Variants in EML6 observed in about 807,000 individuals in gnomAD.
EML6 encodes the protein echinoderm microtubule-associated protein-like 6.
EML6 carries 154 observed loss-of-function variants against 240.1 expected under a neutral mutation model. The observed-to-expected ratio is 0.64, with a 90% CI of 0.56 to 0.73. The LOEUF (loss-of-function observed/expected upper bound fraction) is 0.73, where lower values mean the gene tolerates loss of function less well. EML6 is among the 30% of genes least tolerant of loss of function. The pLI, the probability that EML6 is intolerant of heterozygous loss-of-function variation, is 0.00. For missense variants in EML6, 2,964 were observed against 2,474.6 expected, an observed-to-expected ratio of 1.20 and a Z score of -4.20; for synonymous variants, 1,148 against 899.0, an observed-to-expected ratio of 1.28 and a Z score of -4.95.
At chr2:54,821,100 A>G (rs1262743107) in intron 5 of EML6, among the ~76,000 whole-genome samples, 2 of 152,136 alleles carry the variant, frequency 1.3e-5, no homozygotes, top group Non-Finnish European at 2.9e-5. Flanking sequence ...TTCTTTCTCT[A>G]TAGGATCGTA....
intron 21 of EML6, among the ~76,000 whole-genome samples, chr2:54,899,197 T>TG (rs1672928989): frequency 6.6e-6 from 1 of 152,256 alleles, no homozygotes; most frequent in East Asian, 1.9e-4. Flanking sequence ...CTGACATGAA[T>TG]GGGTCGTACC....
At chr2:54,867,120 C>T (rs903549653) in intron 14 of EML6, 2 of 341,582 alleles carry the variant, frequency 5.9e-6, no homozygotes, top group East Asian at 9.2e-5. Context: ...ATTTCTCAGA[C>T]TTCATATAAT....
intron 28 of EML6, among the ~76,000 whole-genome samples, chr2:54,945,409 C>T (rs1675646413): frequency 1.3e-5 from 2 of 151,312 alleles, no homozygotes; most frequent in African/African-American, 2.4e-5. Context: ...ACACTTTGAA[C>T]ATTGTCTGAT....
intron 2 of EML6, among the ~76,000 whole-genome samples, chr2:54,728,823 C>T (rs1683024801): frequency 6.6e-6 from 1 of 152,176 alleles, no homozygotes; most frequent in African/African-American, 2.4e-5. Context: ...TGTTCTCTCT[C>T]CTAACCTACC....
intron 25 of EML6, among the ~76,000 whole-genome samples, chr2:54,915,979 C>T (rs961646646): frequency 1.5e-4 from 23 of 152,066 alleles, no homozygotes; most frequent in African/African-American, 5.6e-4. Flanking sequence ...GAAAGAAAAA[C>T]CTCAGTCTTA....
At chr2:54,850,416 A>G (rs758044768) in intron 10 of EML6, 198 bp downstream of exon 10, 84 of 563,904 alleles carry the variant, frequency 1.5e-4, no homozygotes, top group Non-Finnish European at 2.2e-4. Flanking sequence ...AAGGAAAGGT[A>G]TGAGTTGGAA....
chr2:54,745,210 G>A (rs1465553094), intron 2 of EML6, among the ~76,000 whole-genome samples: 1 of 152,174 alleles, frequency 6.6e-6, no homozygotes, highest in Non-Finnish European at 1.5e-5. Context: ...ACAGAACACT[G>A]AATTCAGTTT....
At chr2:54,835,836 C>A (rs562756898) in intron 7 of EML6, among the ~76,000 whole-genome samples, 1 of 152,120 alleles carries the variant, frequency 6.6e-6, no homozygotes, top group Non-Finnish European at 1.5e-5. Flanking sequence ...AGGAGAGCCA[C>A]CACAACAAAG....
chr2:54,758,319 T>C (rs1029301392), intron 2 of EML6, among the ~76,000 whole-genome samples: 1 of 152,174 alleles, frequency 6.6e-6, no homozygotes, highest in East Asian at 1.9e-4. Flanking sequence ...TGTAATACTA[T>C]TTCTGGTGGG....
At position 54,909,853 on chromosome 2, in the gene EML6, A is replaced by C. The variant is rs955242170; in HGVS notation, c.3410-1101A>C. On this transcript the variant is annotated intron_variant, in intron 24 of 41. Coordinates refer to ENST00000356458, the MANE Select transcript of EML6 (RefSeq NM_001039753.4). ...GTGACAGAGCGAGACTCCATCTCAA[A>C]AAAAAAAAAAAAAAAAAAAGATTAG... 1.2e-3 allele frequency among the ~76,000 whole-genome samples: 129 copies of C among 110,538 alleles called. 3 individuals carry two copies. Among genetic ancestry groups the C allele is most frequent in the Non-Finnish European group, 2.4e-4 (12 of 49,056 alleles). 72.5% of individuals were successfully genotyped at this position (110,538 alleles called of 152,430 possible). A position where few individuals can be genotyped will look rare whatever the true frequency, so the allele number is the denominator to read the frequency against.
intron 2 of EML6, among the ~76,000 whole-genome samples, chr2:54,772,627 C>T (rs1006747391): frequency 6.6e-6 from 1 of 152,096 alleles, no homozygotes; most frequent in Admixed American, 6.5e-5. Flanking sequence ...ATGTACATTC[C>T]CTTATTCTAC....
intron 21 of EML6, among the ~76,000 whole-genome samples, chr2:54,897,168 T>C (rs150663663): frequency 6.6e-4 from 101 of 152,346 alleles, no homozygotes; most frequent in African/African-American, 2.4e-3. Flanking sequence ...TTTTAGAAGA[T>C]TTATGCCCCA....
chr2:54,854,669 T>C (rs1670275950), intron 11 of EML6, among the ~76,000 whole-genome samples: 1 of 152,224 alleles, frequency 6.6e-6, no homozygotes, highest in Non-Finnish European at 1.5e-5. Flanking sequence ...AAAGTCATTT[T>C]CAGCTAACTG....
chr2:54,964,458 A>G (rs1181198223), intron 37 of EML6, 113 bp from the exon 38 acceptor site: 1 of 953,892 alleles, frequency 1.0e-6, no homozygotes, highest in Non-Finnish European at 1.6e-6. Flanking sequence ...GTGAGTCACA[A>G]GGTGGCTCTC....
At chr2:54,815,580 T>A (rs1371789658) in intron 3 of EML6, among the ~76,000 whole-genome samples, 4 of 152,160 alleles carry the variant, frequency 2.6e-5, no homozygotes, top group Admixed American at 6.5e-5. Context: ...TGAATGGAAT[T>A]CACCCATTCA....
intron 2 of EML6, among the ~76,000 whole-genome samples, chr2:54,751,143 T>A (rs1357217719): frequency 6.6e-6 from 1 of 152,184 alleles, no homozygotes; most frequent in Non-Finnish European, 1.5e-5. Context: ...CACCAATATC[T>A]TTTTAGGTTG....
chr2:54,862,846 A>G (rs140384938), intron 12 of EML6, among the ~76,000 whole-genome samples: 59 of 152,362 alleles, frequency 3.9e-4, no homozygotes, highest in African/African-American at 1.4e-3. Context: ...TCTAAGGTTT[A>G]CGTGAAGAAT....
intron 24 of EML6, among the ~76,000 whole-genome samples, chr2:54,906,241 T>C (rs1332741490): frequency 6.6e-6 from 1 of 152,232 alleles, no homozygotes; most frequent in Admixed American, 6.5e-5. Flanking sequence ...GAAGTGTATC[T>C]CATTTTGGGT....
chr2:54,748,637 G>T (rs912944266), intron 2 of EML6, among the ~76,000 whole-genome samples: 2 of 152,114 alleles, frequency 1.3e-5, no homozygotes, highest in African/African-American at 4.8e-5. Context: ...ATGGCTCACT[G>T]CAGATTCAAC....
Sources: gnomAD v4.1 joint callset for allele counts (sites outside exome capture counted in the v4.1 genomes callset) on GRCh38, gnomAD v4.1.1 for gene constraint, MANE v1.5 for transcripts, NCBI Gene and HGNC (gene_info 2026-07-23, HGNC 2026-07-21) for gene names.